Variants in SGSM1 observed in about 807,000 individuals in gnomAD.
The protein encoded by SGSM1 is RUN and TBC1 domain containing 2.
SGSM1 carries 73 observed loss-of-function variants against 133.8 expected under a neutral mutation model. That is an observed-to-expected ratio of 0.55 (90% CI 0.45 to 0.66). SGSM1 has a LOEUF of 0.66. SGSM1 is among the 30% of genes least tolerant of loss of function. The pLI, the probability that SGSM1 is intolerant of heterozygous loss-of-function variation, is 0.00. For synonymous variants in SGSM1, 563 were observed against 573.0 expected, an observed-to-expected ratio of 0.98 and a Z score of 0.25; for missense variants, 1,213 against 1,448.1, an observed-to-expected ratio of 0.84 and a Z score of 2.64.
chr22:24,884,818 T>G (rs892130422), intron 15 of SGSM1, among the ~76,000 whole-genome samples: 5 of 152,172 alleles, frequency 3.3e-5, no homozygotes, highest in African/African-American at 1.2e-4. Context: ...AAAATGAAAT[T>G]TTAAAAAGAA....
intron 2 of SGSM1, among the ~76,000 whole-genome samples, chr22:24,826,892 T>G (rs1569135871): frequency 6.6e-6 from 1 of 152,102 alleles, no homozygotes; most frequent in African/African-American, 2.4e-5. Context: ...GTGATGCAGG[T>G]ACCATCCCCG....
At position 24,898,164 on chromosome 22, in the gene SGSM1, T is replaced by C; in HGVS notation, c.2215T>C (p.Leu739=). The C allele has an allele frequency of 1.9e-6, 3 of 1,614,002 alleles. No homozygotes were observed. The highest frequency in any genetic ancestry group is 2.5e-6 in the Non-Finnish European group (3 of 1,179,896). The change falls in exon 19 of 25, where the codon TTG becomes CTG. Residue 739 remains leucine (L), a synonymous_variant. Coordinates refer to ENST00000400358, the MANE Select transcript of SGSM1 (RefSeq NM_001098497.3). ...CAGTCTGAGCACAGAAGACAGTGTC[T>C]TGGACGCCCAGCGGAACACCCCCAC... ...EPSLSTEDSV[L]DAQRNTPTVL...
At chr22:24,806,392 C>G in intron 1 of SGSM1, 48 bp downstream of exon 1, 1 of 1,512,750 alleles carries the variant, frequency 6.6e-7, no homozygotes, top group Non-Finnish European at 8.8e-7. Context: ...GCGCCCGGCC[C>G]CCGCACCCTC....
Position 24,855,506 on chromosome 22 carries a change from C to A in SGSM1, c.670-43C>A, listed in dbSNP as rs564901219. On this transcript the variant is annotated intron_variant, in intron 7 of 24. Transcript: ENST00000400358. ...GAAGCAGGGTAGGAGCCCTGAAAAT[C>A]ACCCCAGGCCTCATCCCTCTGTCTC... 2.3e-5 allele frequency: 37 copies of A among 1,613,022 alleles called. No homozygotes were observed. The African/African-American group carries it at 4.7e-4, about 20-fold the overall frequency.
intron 2 of SGSM1, among the ~76,000 whole-genome samples, chr22:24,838,284 A>C (rs1401331324): frequency 1.3e-5 from 2 of 152,236 alleles, no homozygotes; most frequent in Non-Finnish European, 2.9e-5. Context: ...TTGCCAAGGA[A>C]GAAGGGTTTA....
intron 14 of SGSM1, among the ~76,000 whole-genome samples, chr22:24,882,843 C>A (rs1932407349): frequency 6.6e-6 from 1 of 152,052 alleles, no homozygotes; most frequent in African/African-American, 2.4e-5. Context: ...GGATTTCATT[C>A]TTTTCATGGC....
At chr22:24,882,149 C>G (rs930054847) in intron 14 of SGSM1, among the ~76,000 whole-genome samples, 10 of 152,174 alleles carry the variant, frequency 6.6e-5, no homozygotes, top group African/African-American at 2.4e-4. Context: ...TCACTGCACC[C>G]TCTACCTCCC....
At chr22:24,909,704 C>T (rs1199145620) in intron 21 of SGSM1, among the ~76,000 whole-genome samples, 1 of 152,104 alleles carries the variant, frequency 6.6e-6, no homozygotes, top group Non-Finnish European at 1.5e-5. Flanking sequence ...GATCCACCCA[C>T]CTTGGCCTCC....
chr22:24,912,046 T>G (rs1933644428), intron 21 of SGSM1, among the ~76,000 whole-genome samples: 1 of 134,136 alleles, frequency 7.5e-6, no homozygotes, highest in Non-Finnish European at 1.6e-5. Context: ...CAGAGCGAGA[T>G]TCTGTCTTAA....
chr22:24,871,643 C>T (rs1931768643), intron 12 of SGSM1, among the ~76,000 whole-genome samples: 1 of 152,204 alleles, frequency 6.6e-6, no homozygotes, highest in Non-Finnish European at 1.5e-5. Flanking sequence ...GATCACACAA[C>T]TAATTCTTGT....
chr22:24,808,419 C>T (rs1927544111), intron 2 of SGSM1, among the ~76,000 whole-genome samples: 1 of 152,160 alleles, frequency 6.6e-6, no homozygotes, highest in Admixed American at 6.5e-5. Flanking sequence ...CAGCCTAGAA[C>T]CTCTTTTCAA....
chr22:24,895,277 A>G lies in SGSM1; in HGVS notation c.2008A>G (p.Ser670Gly). Residue 670 changes from serine (S) to glycine (G), a missense_variant, in exon 18 of 25, where the codon AGC becomes GGC. Ser to Gly is a moderately conservative substitution (Grantham distance 56, BLOSUM62 0). Transcript: ENST00000400358. ...RQNIRLHSDS[S>G]SSTQVFESVD... The stretch of plus-strand genomic sequence containing the variant: ...GAACATCCGCCTGCACAGCGACTCC[A>G]GCAGCAGCACACAGGTGACCTTGTG... 6.2e-7 allele frequency: 1 copy of G among 1,611,824 alleles called. No individual in the cohort carries two copies. Among genetic ancestry groups the G allele is most frequent in the Non-Finnish European group, 8.5e-7 (1 of 1,179,132 alleles).
rs771474525 is a variant in SGSM1 at position 24,841,134 on chromosome 22, GC to G, written c.64-3761del. Among the ~76,000 whole-genome samples, 6 of 152,352 alleles carry G rather than the reference GC, an allele frequency of 3.9e-5. No individual in the cohort carries two copies. In the East Asian group the frequency reaches 5.8e-4, roughly 15 times the overall value. On this transcript the variant is annotated intron_variant, in intron 2 of 24. Transcript: ENST00000400358. Reference sequence around the variant, plus strand: ...CAAAGTGCTGGGATTACAGGCGTGAGCCACCGTGCCCTGCTGTGTTTTTGTT... The same window carrying G: ...CAAAGTGCTGGGATTACAGGCGTGAGCACCGTGCCCTGCTGTGTTTTTGTT...
intron 21 of SGSM1, 140 bp downstream of exon 21, chr22:24,905,327 G>A (rs1933335382): frequency 1.4e-5 from 11 of 792,382 alleles, no homozygotes; most frequent in East Asian, 2.4e-5. Flanking sequence ...AACACATCAA[G>A]ATCCTAGTGA....
chr22:24,912,215 G>A (rs994865207), intron 21 of SGSM1, among the ~76,000 whole-genome samples: 6 of 152,140 alleles, frequency 3.9e-5, no homozygotes, highest in African/African-American at 1.4e-4. Flanking sequence ...TTCAGTACAC[G>A]CTAAGGAAAT....
intron 9 of SGSM1, among the ~76,000 whole-genome samples, chr22:24,863,992 C>T (rs955652438): frequency 6.6e-6 from 1 of 152,122 alleles, no homozygotes; most frequent in Admixed American, 6.5e-5. Context: ...CCATCCACCT[C>T]AGCCTCTCAA....
chr22:24,909,892 T>C (rs1933555455), intron 21 of SGSM1, among the ~76,000 whole-genome samples: 1 of 152,196 alleles, frequency 6.6e-6, no homozygotes. Context: ...TACCTGTACA[T>C]ATATGTTCAT....
intron 2 of SGSM1, among the ~76,000 whole-genome samples, chr22:24,824,804 T>A (rs1928707142): frequency 6.6e-6 from 1 of 152,208 alleles, no homozygotes; most frequent in African/African-American, 2.4e-5. Context: ...GTCTGGTTTC[T>A]TTGTTATTCA....
At chr22:24,868,342 C>T (rs1931569638) in intron 10 of SGSM1, 34 bp from the exon 11 acceptor site, 2 of 1,592,106 alleles carry the variant, frequency 1.3e-6, no homozygotes, top group South Asian at 2.3e-5. Flanking sequence ...ATAGTGACTT[C>T]CACTGGGTCT....
Sources: allele counts gnomAD v4.1 joint callset (sites outside exome capture counted in the v4.1 genomes callset), GRCh38; gene constraint gnomAD v4.1.1; transcripts MANE v1.5; gene names NCBI Gene and HGNC (gene_info 2026-07-23, HGNC 2026-07-21).